The following DGKI variants were observed in gnomAD, a reference collection of about 807,000 sequenced individuals.
DGKI encodes diacylglycerol kinase iota.
In DGKI, 55 loss-of-function variants were observed where a neutral mutation model predicts 147.5. The observed-to-expected ratio is 0.37, with a 90% CI of 0.30 to 0.47. DGKI has a LOEUF of 0.47. DGKI is among the 20% of genes least tolerant of loss of function. DGKI has a pLI of 1.00. For synonymous variants in DGKI, 469 were observed against 477.1 expected (o/e 0.98, Z 0.22); for missense variants, 1,007 against 1,323.8 (o/e 0.76, Z 3.71).
intron 1 of DGKI, among the ~76,000 whole-genome samples, chr7:137,837,567 G>A (rs762634778): frequency 1.1e-4 from 17 of 152,192 alleles, no homozygotes; most frequent in Non-Finnish European, 2.2e-4. Context: ...GGGTGATTCA[G>A]TCACAAGGGT....
chr7:137,624,750 G>A (rs563808352), intron 6 of DGKI, among the ~76,000 whole-genome samples: 25 of 152,052 alleles, frequency 1.6e-4, no homozygotes, highest in Middle Eastern at 6.8e-3. Context: ...GACTACAGGC[G>A]CCTGCCACCA....
chr7:137,726,359 C>T (rs183703291), intron 1 of DGKI, among the ~76,000 whole-genome samples: 29 of 152,310 alleles, frequency 1.9e-4, no homozygotes, highest in African/African-American at 7.0e-4. Context: ...TCGATTTCTC[C>T]TGTCCTCCAC....
chr7:137,572,286 G>A (rs911289348), intron 18 of DGKI, among the ~76,000 whole-genome samples: 2 of 152,170 alleles, frequency 1.3e-5, no homozygotes, highest in African/African-American at 4.8e-5. Context: ...TAGCACCATG[G>A]AGAGTTGACA....
At chr7:137,575,291 T>C (rs1489603090) in intron 17 of DGKI, among the ~76,000 whole-genome samples, 1 of 152,222 alleles carries the variant, frequency 6.6e-6, no homozygotes, top group East Asian at 1.9e-4. Context: ...TATAGGCTGA[T>C]ATCACATCTT....
intron 10 of DGKI, among the ~76,000 whole-genome samples, chr7:137,607,323 CT>C (rs1485972558): frequency 1.3e-5 from 2 of 152,242 alleles, no homozygotes; most frequent in African/African-American, 4.8e-5. Context: ...CCATTTGTTC[CT>C]TTTGTGTCAT....
At chr7:137,837,996 AC>A (rs1421774925) in intron 1 of DGKI, among the ~76,000 whole-genome samples, 1 of 138,342 alleles carries the variant, frequency 7.2e-6, no homozygotes, top group Non-Finnish European at 1.5e-5. Flanking sequence ...AAAGGGAGAA[AC>A]TTTTTTTTTT....
intron 27 of DGKI, chr7:137,454,743 C>G (rs773664314): frequency 6.6e-6 from 1 of 152,106 alleles, no homozygotes; most frequent in Non-Finnish European, 1.5e-5. Context: ...ATCCAGACAA[C>G]GGAGACATAC....
intron 28 of DGKI, among the ~76,000 whole-genome samples, chr7:137,428,988 T>C (rs1389509865): frequency 1.3e-5 from 2 of 151,956 alleles, no homozygotes; most frequent in African/African-American, 2.4e-5. Context: ...CAAGGTAATT[T>C]ATAGATTCAA....
chr7:137,600,636 T>C (rs1819956780), intron 10 of DGKI, among the ~76,000 whole-genome samples: 1 of 152,200 alleles, frequency 6.6e-6, no homozygotes, highest in Non-Finnish European at 1.5e-5. Context: ...TGACATTAAT[T>C]TTCACTTTAT....
intron 19 of DGKI, among the ~76,000 whole-genome samples, chr7:137,562,090 A>T: frequency 6.6e-6 from 1 of 152,254 alleles, no homozygotes; most frequent in East Asian, 1.9e-4. Context: ...GAAGGAGTGA[A>T]TAGCACTGGA....
intron 2 of DGKI, among the ~76,000 whole-genome samples, chr7:137,682,232 G>T (rs1823263772): frequency 6.6e-6 from 1 of 152,094 alleles, no homozygotes; most frequent in Non-Finnish European, 1.5e-5. Context: ...TGTCTAGCCT[G>T]GGTGGCATTA....
intron 20 of DGKI, among the ~76,000 whole-genome samples, chr7:137,532,084 A>T (rs1290458248): frequency 2.0e-5 from 3 of 152,230 alleles, no homozygotes; most frequent in African/African-American, 7.2e-5. Flanking sequence ...ATATCAAAAA[A>T]AACAGTAGCC....
intron 20 of DGKI, among the ~76,000 whole-genome samples, chr7:137,538,880 C>T (rs1391835881): frequency 1.3e-5 from 2 of 152,068 alleles, no homozygotes; most frequent in African/African-American, 4.8e-5. Flanking sequence ...TAGTAAACTC[C>T]CCAATCCCTC....
chr7:137,533,844 A>G (rs578220516), intron 20 of DGKI, among the ~76,000 whole-genome samples: 13 of 152,124 alleles, frequency 8.5e-5, no homozygotes, highest in Non-Finnish European at 1.6e-4. Flanking sequence ...CAAGATGAAA[A>G]GTATTTCTAT....
chr7:137,649,777 A>G (rs980217329), intron 5 of DGKI, among the ~76,000 whole-genome samples: 2 of 148,238 alleles, frequency 1.3e-5, no homozygotes, highest in Non-Finnish European at 3.0e-5. Context: ...ATATATGTAT[A>G]TATATATATA....
At chr7:137,632,428 T>A (rs1821153167) in intron 6 of DGKI, among the ~76,000 whole-genome samples, 1 of 152,206 alleles carries the variant, frequency 6.6e-6, no homozygotes, top group African/African-American at 2.4e-5. Context: ...AGGACCTACA[T>A]CCATTAACTT....
intron 6 of DGKI, among the ~76,000 whole-genome samples, chr7:137,631,062 A>G (rs530785149): frequency 6.6e-6 from 1 of 152,356 alleles, no homozygotes; most frequent in East Asian, 1.9e-4. Flanking sequence ...AGAGTTACCA[A>G]TGACAAATCA....
intron 27 of DGKI, among the ~76,000 whole-genome samples, chr7:137,447,482 A>T (rs1039017760): frequency 3.3e-5 from 5 of 152,250 alleles, no homozygotes; most frequent in African/African-American, 1.2e-4. Flanking sequence ...AACAAGAATC[A>T]TCTGAACTTG....
chr7:137,512,830 T>G (rs982897000), intron 21 of DGKI, among the ~76,000 whole-genome samples: 3 of 152,118 alleles, frequency 2.0e-5, no homozygotes, highest in Non-Finnish European at 4.4e-5. Flanking sequence ...ATAAACAGAA[T>G]TAGATGGCAA....
Sources: allele counts gnomAD v4.1 joint callset (sites outside exome capture counted in the v4.1 genomes callset), GRCh38; gene constraint gnomAD v4.1.1; transcripts MANE v1.5; gene names NCBI Gene and HGNC (gene_info 2026-07-23, HGNC 2026-07-21).